ZFAND4: variants seen among roughly 807,000 people sequenced by gnomAD.
ZFAND4 encodes the protein AN1-type zinc finger protein 4.
Under a neutral mutation model 64.4 loss-of-function variants are expected in ZFAND4, and 43 were observed. The ratio of observed to expected loss-of-function variants is 0.67; its 90% CI spans 0.52 to 0.86. The LOEUF (loss-of-function observed/expected upper bound fraction) is 0.86, where lower values mean the gene tolerates loss of function less well. ZFAND4 is among the 40% of genes least tolerant of loss of function. The probability of loss-of-function intolerance (pLI) is 0.00; values close to 1 mark genes in which losing one functional copy is unlikely to be tolerated. For synonymous variants in ZFAND4, 296 were observed against 305.7 expected, an observed-to-expected ratio of 0.97 and a Z score of 0.33; for missense variants, 929 against 859.8, an observed-to-expected ratio of 1.08 and a Z score of -1.01.
Position 45,651,980 on chromosome 10 carries a change from A to T in ZFAND4, c.314T>A (p.Ile105Lys). ...TATATGCCTACCTCTTCTAGTATTTATAGGTCCGCCACGCATAGCCAAAAC... is the reference window on the plus strand; with the variant it reads ...TATATGCCTACCTCTTCTAGTATTTTTAGGTCCGCCACGCATAGCCAAAAC... ...KLVLAMRGGP[I>K]NTRRVPTDDP... Residue 105 changes from isoleucine (I) to lysine (K), a missense_variant, in exon 4 of 10, where the codon ATA becomes AAA. By Grantham distance (102) the Ile-to-Lys change is moderately radical. Coordinates refer to ENST00000344646, the MANE Select transcript of ZFAND4 (RefSeq NM_174890.4). 6.2e-7 allele frequency: 1 copy of T among 1,613,710 alleles called. No homozygotes were observed. Among genetic ancestry groups the T allele is most frequent in the Non-Finnish European group, 8.5e-7 (1 of 1,179,668 alleles).
rs892743863 is a variant in ZFAND4 at position 45,627,434 on chromosome 10, T to C, written c.718-329A>G. 3.9e-5 allele frequency among the ~76,000 whole-genome samples: 6 copies of C among 151,920 alleles called. No individual in the cohort carries two copies. In the East Asian group the frequency reaches 1.2e-3, roughly 29 times the overall value. On this transcript the variant is annotated intron_variant, in intron 6 of 9. Transcript: ENST00000344646. ...ATTTTAGATCTCCAACAATTTTTCC[T>C]ACTATGTTGAATAAATGTTTCATTG... is the stretch of plus-strand genomic sequence containing the variant.
At chr10:45,623,975 C>T (rs867945267) in intron 8 of ZFAND4, among the ~76,000 whole-genome samples, 21 of 152,262 alleles carry the variant, frequency 1.4e-4, no homozygotes, top group African/African-American at 4.3e-4. Context: ...TCTTTGGTAA[C>T]GAGTTTCCCA....
intron 8 of ZFAND4, among the ~76,000 whole-genome samples, chr10:45,622,586 C>A (rs1371433794): frequency 1.3e-5 from 2 of 152,212 alleles, no homozygotes; most frequent in African/African-American, 4.8e-5. Context: ...GTCAAAAGAG[C>A]AGTGGTTCCA....
chr10:45,668,867 C>T (rs1391001568), intron 1 of ZFAND4, among the ~76,000 whole-genome samples: 2 of 152,192 alleles, frequency 1.3e-5, no homozygotes, highest in Non-Finnish European at 2.9e-5. Flanking sequence ...AAAGACACAA[C>T]GCACCAGAAT....
At chr10:45,640,459 G>A (rs1203066181) in intron 5 of ZFAND4, 8 of 1,190,290 alleles carry the variant, frequency 6.7e-6, no homozygotes, top group Non-Finnish European at 8.5e-6. Context: ...ATACACAGGT[G>A]TCATCAGAAC....
At chr10:45,664,856 G>A (rs141220038) in intron 1 of ZFAND4, among the ~76,000 whole-genome samples, 34,368 of 151,664 alleles carry the variant, frequency 0.23, 4,087 homozygotes, top group South Asian at 0.37. Flanking sequence ...GCGTGAACCC[G>A]GGAGGCAGAG....
chr10:45,637,065 G>A (rs1173247791), intron 6 of ZFAND4, among the ~76,000 whole-genome samples: 1 of 151,752 alleles, frequency 6.6e-6, no homozygotes, highest in African/African-American at 2.4e-5. Context: ...TTTCAGCTGG[G>A]CGCGGTGGCT....
chr10:45,632,414 G>A lies in ZFAND4; in HGVS notation c.718-5309C>T, dbSNP rs564609740. ...GAATAAAATTAAAACTAAAATAAGAGTGAGTAGAAAGAAAAATGATTTGTA... is the reference window on the plus strand; with the variant it reads ...GAATAAAATTAAAACTAAAATAAGAATGAGTAGAAAGAAAAATGATTTGTA... On this transcript the variant is annotated intron_variant, in intron 6 of 9. Coordinates refer to ENST00000344646, the MANE Select transcript of ZFAND4 (RefSeq NM_174890.4). Among the ~76,000 whole-genome samples the A allele has an allele frequency of 5.9e-5, 9 of 152,130 alleles. No homozygotes were observed. In the South Asian group the frequency reaches 1.2e-3, roughly 21 times the overall value.
chr10:45,623,327 C>A lies in ZFAND4; in HGVS notation c.1927+1256G>T, dbSNP rs534020171. Among the ~76,000 whole-genome samples, 126 of 152,298 alleles carry A rather than the reference C, an allele frequency of 8.3e-4. 1 individual carries two copies. Among genetic ancestry groups the A allele is most frequent in the African/African-American group, 3.0e-3 (124 of 41,554 alleles). ...AGACATATATGTGCACCCATGTTCA[C>A]AGCACCATTATTCACAATAGCTAAA... On this transcript the variant is annotated intron_variant, in intron 8 of 9. Transcript: ENST00000344646.
At chr10:45,634,929 C>T (rs984582120) in intron 6 of ZFAND4, among the ~76,000 whole-genome samples, 1 of 151,644 alleles carries the variant, frequency 6.6e-6, no homozygotes, top group African/African-American at 2.4e-5. Flanking sequence ...AAATAAAATA[C>T]CTAGGAATAA....
At chr10:45,624,305 C>T (rs1016701910) in intron 8 of ZFAND4, among the ~76,000 whole-genome samples, 48 of 152,346 alleles carry the variant, frequency 3.2e-4, no homozygotes, top group African/African-American at 1.1e-3. Flanking sequence ...TGGTTGGGAA[C>T]TACATGTTCA....
chr10:45,627,646 CTATT>C (rs2045929233), intron 6 of ZFAND4, among the ~76,000 whole-genome samples: 3 of 152,292 alleles, frequency 2.0e-5, no homozygotes, highest in Admixed American at 2.0e-4. Context: ...TTGTGCCAAA[CTATT>C]TACGCAATAA....
intron 6 of ZFAND4, 100 bp from the exon 7 acceptor site, chr10:45,627,205 G>T: frequency 1.2e-6 from 1 of 823,164 alleles, no homozygotes; most frequent in Non-Finnish European, 1.8e-6. Flanking sequence ...TAACATACTA[G>T]CATTTTTACT....
intron 8 of ZFAND4, 105 bp from the exon 9 acceptor site, chr10:45,618,365 G>A: frequency 7.3e-6 from 10 of 1,363,506 alleles, no homozygotes; most frequent in Non-Finnish European, 9.9e-6. Flanking sequence ...AAATATCTAT[G>A]CCATAAAAAT....
At position 45,672,626 on chromosome 10, in the gene ZFAND4, C is replaced by T; in HGVS notation, c.-494G>A. The T allele has an allele frequency of 6.6e-6, 1 of 152,024 alleles. No individual in the cohort carries two copies. Among genetic ancestry groups the T allele is most frequent in the Non-Finnish European group, 1.5e-5 (1 of 67,984 alleles). 9.4% of individuals were successfully genotyped at this position (152,024 alleles called of 1,614,324 possible). ...GCGGCGGCAGCGCGGCTGGGCTCAG[C>T]GGCTCGCAGCCCGGGCGCCCCCCCT... is the stretch of plus-strand genomic sequence containing the variant. On this transcript the variant is annotated 5_prime_UTR_variant, in exon 1 of 10. Coordinates refer to ENST00000344646, the MANE Select transcript of ZFAND4 (RefSeq NM_174890.4).
chr10:45,648,015 G>A (rs2047506021), intron 5 of ZFAND4, among the ~76,000 whole-genome samples: 1 of 152,018 alleles, frequency 6.6e-6, no homozygotes, highest in Admixed American at 6.6e-5. Context: ...TCAACTTTAG[G>A]TTTAACCCTT....
At chr10:45,642,583 G>A (rs1441732213) in intron 5 of ZFAND4, among the ~76,000 whole-genome samples, 3 of 149,734 alleles carry the variant, frequency 2.0e-5, no homozygotes, top group Non-Finnish European at 3.0e-5. Flanking sequence ...ACTCCAGCCT[G>A]GGCGACAGAG....
chr10:45,616,640 G>C, intron 9 of ZFAND4, 69 bp from the exon 10 acceptor site: 2 of 1,556,688 alleles, frequency 1.3e-6, no homozygotes, highest in Non-Finnish European at 1.8e-6. Context: ...TGGGAGACAG[G>C]AGCTTGACTT....
chr10:45,628,859 C>CA (rs376491334), intron 6 of ZFAND4, among the ~76,000 whole-genome samples: 5 of 112,232 alleles, frequency 4.5e-5, no homozygotes, highest in African/African-American at 1.8e-4. Context: ...CCTGTGGTGA[C>CA]AGACAGGCAA....
Sources: allele counts gnomAD v4.1 joint callset (sites outside exome capture counted in the v4.1 genomes callset), GRCh38; gene constraint gnomAD v4.1.1; transcripts MANE v1.5; gene names NCBI Gene and HGNC (gene_info 2026-07-23, HGNC 2026-07-21).